The following GRTP1 variants were observed in gnomAD, a reference collection of about 807,000 sequenced individuals.
The protein encoded by GRTP1 is growth hormone-regulated TBC protein 1.
A neutral mutation model predicts 38.1 loss-of-function variants in GRTP1; 56 were observed. That is an observed-to-expected ratio of 1.47 (90% CI 1.19 to 1.84). GRTP1 has a LOEUF of 1.84. Ranked by LOEUF, GRTP1 falls within the 40% of genes most tolerant of loss-of-function variation. The pLI is 0.00. For missense variants in GRTP1, 506 were observed against 453.9 expected (o/e 1.11, Z -1.04); for synonymous variants, 217 against 189.5 (o/e 1.14, Z -1.19).
At chr13:113,361,210 T>TAAA (rs60140159) in intron 2 of GRTP1, among the ~76,000 whole-genome samples, 1 of 125,356 alleles carries the variant, frequency 8.0e-6, no homozygotes, top group Non-Finnish European at 1.6e-5. Context: ...AGACCAATGC[T>TAAA]AAAAAAAAAA....
In GRTP1 at chr13:113,348,845, C is replaced by T. The variant is rs187470155; in HGVS notation, c.465+2004G>A. On this transcript the variant is annotated intron_variant, in intron 4 of 7. Transcript: ENST00000375431. The surrounding 1 kb of genome is among the most constrained non-coding windows in gnomAD (Gnocchi z 4.8). ...GACCTCACCTGCCCCGCAGATGCCG[C>T]GACCTCTGATGCACAGCTTCCAGAG... 6.6e-6 allele frequency among the ~76,000 whole-genome samples: 1 copy of T among 152,274 alleles called. No homozygotes were observed. The highest frequency in any genetic ancestry group is 1.5e-5 in the Non-Finnish European group (1 of 68,026).
intron 5 of GRTP1, among the ~76,000 whole-genome samples, chr13:113,335,506 C>T (rs1240511051): frequency 2.0e-5 from 3 of 152,130 alleles, no homozygotes; most frequent in Non-Finnish European, 2.9e-5. Flanking sequence ...CAAATCTTCT[C>T]TTCTAGCTAT....
intron 5 of GRTP1, among the ~76,000 whole-genome samples, chr13:113,344,349 T>C (rs1233199595): frequency 6.6e-6 from 1 of 152,212 alleles, no homozygotes; most frequent in African/African-American, 2.4e-5. Flanking sequence ...AAGCAGTTGC[T>C]GCAGCCGGAC....
intron 4 of GRTP1, among the ~76,000 whole-genome samples, chr13:113,346,312 G>A (rs868694675): frequency 4.2e-5 from 2 of 47,206 alleles, no homozygotes; most frequent in Admixed American, 2.7e-4. Flanking sequence ...CTCTGTGGCA[G>A]AGAGCAGACC....
rs2042726913 is a variant in GRTP1, at chr13:113,324,256, ATC to A, written c.*230_*231del. On this transcript the variant is annotated 3_prime_UTR_variant, in exon 8 of 8. Coordinates refer to ENST00000375431, the MANE Select transcript of GRTP1 (RefSeq NM_024719.4). ...CACACTCACATTTTATATATTATTG[ATC>A]TCTCAGGTAAAAATAAGTTTTCTTT... 2.0e-6 allele frequency: 1 copy of A among 487,910 alleles called. No individual in the cohort carries two copies. The highest frequency in any genetic ancestry group is 3.4e-6 in the Non-Finnish European group (1 of 295,894). The allele number at this position is 487,910 out of a possible 1,614,324, so 30.2% of individuals were successfully genotyped here.
At chr13:113,351,522 G>A (rs1433926137) in intron 3 of GRTP1, among the ~76,000 whole-genome samples, 7 of 152,190 alleles carry the variant, frequency 4.6e-5, no homozygotes, top group Admixed American at 4.6e-4. Flanking sequence ...GTGTGCAGGA[G>A]GCATCCCTGC....
intron 5 of GRTP1, among the ~76,000 whole-genome samples, chr13:113,337,019 C>T (rs918303532): frequency 6.6e-6 from 1 of 152,168 alleles, no homozygotes; most frequent in African/African-American, 2.4e-5. Context: ...TGAGGCCAGG[C>T]GTGGTGGCTC....
chr13:113,326,093 T>G lies in GRTP1; in HGVS notation c.563-2A>C, dbSNP rs368777932. ...CCAGCATGGCCGGGCTGTAGTAATC[T>G]GCCAGGCAATGTGGAGAAAAGACCC... On this transcript the variant is annotated splice_acceptor_variant, in intron 5 of 7. Transcript: ENST00000375431. LOFTEE classifies it high-confidence loss of function. The G allele has an allele frequency of 5.0e-6, 8 of 1,606,588 alleles. No individual in the cohort carries two copies. Among genetic ancestry groups the G allele is most frequent in the Non-Finnish European group, 6.8e-6 (8 of 1,179,836 alleles).
intron 5 of GRTP1, among the ~76,000 whole-genome samples, chr13:113,327,251 A>G (rs778687841): frequency 8.5e-5 from 13 of 152,114 alleles, no homozygotes; most frequent in Non-Finnish European, 1.6e-4. Flanking sequence ...ATCTTAGCTC[A>G]CTGGAACCTC....
At chr13:113,333,830 A>G (rs2042911164) in intron 5 of GRTP1, among the ~76,000 whole-genome samples, 1 of 99,738 alleles carries the variant, frequency 1.0e-5, no homozygotes, top group African/African-American at 4.1e-5. Flanking sequence ...TTATTTATTT[A>G]TTTATTTAGT....
intron 5 of GRTP1, among the ~76,000 whole-genome samples, chr13:113,335,409 C>T (rs2042941706): frequency 1.4e-5 from 2 of 144,968 alleles, no homozygotes; most frequent in South Asian, 2.4e-4. Context: ...AGAGACAGAG[C>T]GGGACTCTGT....
In GRTP1 at chr13:113,364,065, C is replaced by T; in HGVS notation, c.-14G>A. 7.9e-7 allele frequency: 1 copy of T among 1,264,786 alleles called. No homozygotes were observed. 78.3% of individuals were successfully genotyped at this position (1,264,786 alleles called of 1,614,324 possible). A position where few individuals can be genotyped will look rare whatever the true frequency, so the allele number is the denominator to read the frequency against. ...GGCGGGCTGCATGCGGGGAGGGAGG[C>T]GCGCACCGAGCGAGGCCAGCGGGTC... On this transcript the variant is annotated 5_prime_UTR_variant, in exon 1 of 8. Coordinates refer to ENST00000375431, the MANE Select transcript of GRTP1 (RefSeq NM_024719.4).
chr13:113,340,838 T>C (rs1036650687), intron 5 of GRTP1, among the ~76,000 whole-genome samples: 29 of 151,974 alleles, frequency 1.9e-4, no homozygotes, highest in African/African-American at 6.3e-4. Context: ...GAGTTACCTG[T>C]TCCTTCACAG....
At chr13:113,335,106 G>GC (rs1555315154) in intron 5 of GRTP1, among the ~76,000 whole-genome samples, 1 of 152,056 alleles carries the variant, frequency 6.6e-6, no homozygotes, top group South Asian at 2.1e-4. Context: ...ACAGGCATGA[G>GC]CACCATGCCT....
Position 113,355,540 on chromosome 13 carries a change from C to T in GRTP1, c.182-59G>A, listed in dbSNP as rs1251456610. 2.5e-5 allele frequency: 37 copies of T among 1,498,632 alleles called. 1 individual carries two copies. Among genetic ancestry groups the T allele is most frequent in the Non-Finnish European group, 3.2e-5 (36 of 1,121,668 alleles). The allele number at this position is 1,498,632 out of a possible 1,614,324, so 92.8% of individuals were successfully genotyped here. On this transcript the variant is annotated intron_variant, in intron 2 of 7. Transcript: ENST00000375431. ...GGACCAGGGGCCTGCGGGGCCCACG[C>T]GTTCCTGCCACACTTTCCACTCTCA...
chr13:113,355,512 G>A (rs764881273), intron 2 of GRTP1, 31 bp from the exon 3 acceptor site: 6 of 1,583,380 alleles, frequency 3.8e-6, no homozygotes, highest in Non-Finnish European at 5.2e-6. Context: ...CAGCGTGTGA[G>A]CTGGACCAGG....
Position 113,343,530 on chromosome 13 carries a change from GAC to G in GRTP1, c.562+1331_562+1332del, listed in dbSNP as rs2043055186. On this transcript the variant is annotated intron_variant, in intron 5 of 7. Coordinates refer to ENST00000375431, the MANE Select transcript of GRTP1 (RefSeq NM_024719.4). The surrounding 1 kb of genome is among the most constrained non-coding windows in gnomAD (Gnocchi z 4.8). ...ACTTGAGCTTTGCCCCATCCGTGAGGACACACACTATGGTCTGTGAGTCACAC... is the reference window on the plus strand; with the variant it reads ...ACTTGAGCTTTGCCCCATCCGTGAGGACACACTATGGTCTGTGAGTCACAC... Among the ~76,000 whole-genome samples the G allele has an allele frequency of 6.6e-6, 1 of 152,200 alleles. No individual in the cohort carries two copies. Among genetic ancestry groups the G allele is most frequent in the African/African-American group, 2.4e-5 (1 of 41,452 alleles).
At position 113,326,301 on chromosome 13, in the gene GRTP1, C is replaced by T. The variant is rs1352617586; in HGVS notation, c.563-210G>A. 2.7e-5 allele frequency among the ~76,000 whole-genome samples: 4 copies of T among 147,564 alleles called. No homozygotes were observed. The East Asian group carries it at 6.1e-4, about 23-fold the overall frequency. On this transcript the variant is annotated intron_variant, in intron 5 of 7. Transcript: ENST00000375431. ...CCCACAGCCAGGCCTTTCAGGACGT[C>T]CCTGAGGCTGGAGGGATAGGCTGGA...
intron 3 of GRTP1, among the ~76,000 whole-genome samples, chr13:113,353,350 G>C (rs1331031046): frequency 1.3e-5 from 2 of 152,270 alleles, no homozygotes; most frequent in African/African-American, 4.8e-5. Context: ...CGTGCGGCAG[G>C]AGAGCCCAGG....
Sources: allele counts gnomAD v4.1 joint callset (sites outside exome capture counted in the v4.1 genomes callset), GRCh38; gene constraint gnomAD v4.1.1; non-coding constraint Gnocchi (gnomAD v3.1); transcripts MANE v1.5; gene names NCBI Gene and HGNC (gene_info 2026-07-23, HGNC 2026-07-21).